CDK5RAP2: variants seen among roughly 807,000 people sequenced by gnomAD.
The protein encoded by CDK5RAP2 is CDK5 regulatory subunit-associated protein 2.
A neutral mutation model predicts 232.9 loss-of-function variants in CDK5RAP2; 147 were observed. The ratio of observed to expected loss-of-function variants is 0.63; its 90% CI spans 0.55 to 0.72. CDK5RAP2 has a LOEUF of 0.72. Ranked by LOEUF, CDK5RAP2 falls within the 30% of genes least tolerant of loss-of-function variation. The pLI is 0.00. For missense variants in CDK5RAP2, 2,195 were observed against 2,231.5 expected (o/e 0.98, Z 0.33); for synonymous variants, 833 against 833.7 (o/e 1.00, Z 0.01).
At chr9:120,502,655 C>G (rs1047685230) in intron 12 of CDK5RAP2, among the ~76,000 whole-genome samples, 3 of 152,170 alleles carry the variant, frequency 2.0e-5, no homozygotes, top group Non-Finnish European at 2.9e-5. Flanking sequence ...GTAGTTTTGT[C>G]ATTCCCCAAG....
In CDK5RAP2 at chr9:120,394,732, A is replaced by C; in HGVS notation, c.5452-94T>G. ...AAGCCATATAAAAAGATGATGCTCA[A>C]CCTCACTAGCAAAAATATTTGAATG... On this transcript the variant is annotated intron_variant, in intron 35 of 37. Coordinates refer to ENST00000349780, the MANE Select transcript of CDK5RAP2 (RefSeq NM_018249.6). The C allele has an allele frequency of 2.9e-6, 3 of 1,030,180 alleles. No individual in the cohort carries two copies. The South Asian group carries it at 4.1e-5, about 14-fold the overall frequency. 63.8% of individuals were successfully genotyped at this position (1,030,180 alleles called of 1,614,324 possible). A position where few individuals can be genotyped will look rare whatever the true frequency, so the allele number is the denominator to read the frequency against.
At chr9:120,432,917 A>T (rs967381762) in intron 25 of CDK5RAP2, among the ~76,000 whole-genome samples, 7 of 152,236 alleles carry the variant, frequency 4.6e-5, no homozygotes, top group Admixed American at 2.0e-4. Flanking sequence ...GGACCCAGAT[A>T]GTTCTCCACT....
chr9:120,542,895 G>A (rs762391346), intron 5 of CDK5RAP2, among the ~76,000 whole-genome samples: 8 of 152,190 alleles, frequency 5.3e-5, no homozygotes, highest in South Asian at 2.1e-4. Context: ...GAAGCCATGC[G>A]CGGTTCCAGA....
intron 7 of CDK5RAP2, 115 bp downstream of exon 7, chr9:120,536,257 G>T: frequency 8.6e-7 from 1 of 1,161,214 alleles, no homozygotes; most frequent in Non-Finnish European, 1.3e-6. Flanking sequence ...AGTCACTCAA[G>T]TCCTATGGGA....
intron 3 of CDK5RAP2, among the ~76,000 whole-genome samples, chr9:120,551,756 A>G (rs2042049374): frequency 6.6e-6 from 1 of 152,218 alleles, no homozygotes; most frequent in Non-Finnish European, 1.5e-5. Flanking sequence ...TACAGAAACA[A>G]CCATATGATG....
intron 12 of CDK5RAP2, among the ~76,000 whole-genome samples, chr9:120,499,648 T>C (rs1227603667): frequency 6.6e-6 from 1 of 152,166 alleles, no homozygotes; most frequent in Non-Finnish European, 1.5e-5. Flanking sequence ...TCATGAATTA[T>C]AAATGGCAGT....
At chr9:120,516,610 G>C (rs544856868) in intron 12 of CDK5RAP2, among the ~76,000 whole-genome samples, 115 of 152,214 alleles carry the variant, frequency 7.6e-4, no homozygotes, top group African/African-American at 2.7e-3. Context: ...AAGATCACTG[G>C]AGACCAGGAA....
At chr9:120,478,707 G>A (rs1029376005) in intron 14 of CDK5RAP2, among the ~76,000 whole-genome samples, 11 of 152,216 alleles carry the variant, frequency 7.2e-5, no homozygotes, top group African/African-American at 2.7e-4. Context: ...CTTGAGCCCA[G>A]AAGTTTGAGA....
chr9:120,551,263 T>G (rs2042031937), intron 3 of CDK5RAP2, among the ~76,000 whole-genome samples: 1 of 152,150 alleles, frequency 6.6e-6, no homozygotes, highest in African/African-American at 2.4e-5. Context: ...AATCACTATT[T>G]TAAAACCTCT....
intron 35 of CDK5RAP2, among the ~76,000 whole-genome samples, chr9:120,396,541 T>C (rs996459671): frequency 1.3e-5 from 2 of 152,210 alleles, no homozygotes; most frequent in Non-Finnish European, 2.9e-5. Context: ...GCACTTCTTT[T>C]AGGATGGCTA....
chr9:120,401,703 G>T (rs2033033510), intron 34 of CDK5RAP2, among the ~76,000 whole-genome samples: 1 of 151,848 alleles, frequency 6.6e-6, no homozygotes, highest in Non-Finnish European at 1.5e-5. Flanking sequence ...AAAATATCTG[G>T]GCTGGGTGCA....
chr9:120,464,113 C>T (rs966993618), intron 18 of CDK5RAP2, among the ~76,000 whole-genome samples: 1 of 152,276 alleles, frequency 6.6e-6, no homozygotes, highest in South Asian at 2.1e-4. Flanking sequence ...TTTTTTCTTT[C>T]TTGCTTCTCA....
rs1197671057 is a variant in CDK5RAP2 at position 120,494,904 on chromosome 9, C to T, written c.1312-3427G>A. 6.2e-5 allele frequency among the ~76,000 whole-genome samples: 9 copies of T among 144,552 alleles called. No homozygotes were observed. In the South Asian group the frequency reaches 6.3e-4, roughly 10 times the overall value. 94.8% of individuals were successfully genotyped at this position (144,552 alleles called of 152,430 possible). Reference sequence around the variant, plus strand: ...CAGTGCGGAGCCAGGACAGTCGCGGCGCTGACGCCCGCGGGCCCCAGCTGC... The same window carrying T: ...CAGTGCGGAGCCAGGACAGTCGCGGTGCTGACGCCCGCGGGCCCCAGCTGC... On this transcript the variant is annotated intron_variant, in intron 12 of 37. Transcript: ENST00000349780.
At chr9:120,438,446 G>A (rs896816369) in intron 24 of CDK5RAP2, among the ~76,000 whole-genome samples, 3 of 152,180 alleles carry the variant, frequency 2.0e-5, no homozygotes, top group African/African-American at 7.2e-5. Flanking sequence ...AGTATCATGT[G>A]AGTACTGGAG....
chr9:120,528,592 C>T, intron 9 of CDK5RAP2, 152 bp downstream of exon 9: 1 of 671,042 alleles, frequency 1.5e-6, no homozygotes. Flanking sequence ...TTAAGAAACC[C>T]TTTCTAGAGT....
intron 28 of CDK5RAP2, among the ~76,000 whole-genome samples, 175 bp from the exon 29 acceptor site, chr9:120,411,649 A>T (rs1564183842): frequency 6.6e-6 from 1 of 152,214 alleles, no homozygotes; most frequent in Non-Finnish European, 1.5e-5. Flanking sequence ...AGCTTGAAAG[A>T]GGGGGCAGGA....
Position 120,458,410 on chromosome 9 carries a change from G to C in CDK5RAP2, c.2375+40C>G, listed in dbSNP as rs981804630. On this transcript the variant is annotated intron_variant, in intron 20 of 37. Coordinates refer to ENST00000349780, the MANE Select transcript of CDK5RAP2 (RefSeq NM_018249.6). ...AGCAAAATGAGTTTGTTCTCCCCTA[G>C]AACTAGAGAAACAAAGGAATGCCTG... is the stretch of plus-strand genomic sequence containing the variant. 1.9e-6 allele frequency: 3 copies of C among 1,598,114 alleles called. No homozygotes were observed. The Admixed American group carries it at 5.0e-5, about 27-fold the overall frequency.
At chr9:120,425,718 A>T (rs1007395267) in intron 25 of CDK5RAP2, among the ~76,000 whole-genome samples, 1 of 152,224 alleles carries the variant, frequency 6.6e-6, no homozygotes, top group African/African-American at 2.4e-5. Context: ...ACAGCCTGGC[A>T]TCTCCTACAT....
intron 28 of CDK5RAP2, 143 bp downstream of exon 28, chr9:120,414,897 G>C: frequency 1.1e-6 from 1 of 882,588 alleles, no homozygotes; most frequent in Non-Finnish European, 1.8e-6. Flanking sequence ...AATTCAGGAT[G>C]CCAGAGGCTG....
Sources: allele counts gnomAD v4.1 joint callset (sites outside exome capture counted in the v4.1 genomes callset), GRCh38; gene constraint gnomAD v4.1.1; transcripts MANE v1.5; gene names NCBI Gene and HGNC (gene_info 2026-07-23, HGNC 2026-07-21).